Variants in E2F3 observed in about 807,000 individuals in gnomAD.
The protein encoded by E2F3 is transcription factor E2F3.
Under a neutral mutation model 44.4 loss-of-function variants are expected in E2F3, and 11 were observed. The observed-to-expected ratio is 0.25, with a 90% CI of 0.16 to 0.41. The LOEUF (loss-of-function observed/expected upper bound fraction) is 0.41. E2F3 is among the 10% of genes least tolerant of loss of function. E2F3 has a pLI of 1.00. For synonymous variants in E2F3, 249 were observed against 253.0 expected, an observed-to-expected ratio of 0.98 and a Z score of 0.15; for missense variants, 487 against 583.6, an observed-to-expected ratio of 0.83 and a Z score of 1.70.
chr6:20,431,370 A>T (rs1314864785), intron 1 of E2F3, among the ~76,000 whole-genome samples: 1 of 152,050 alleles, frequency 6.6e-6, no homozygotes, highest in East Asian at 1.9e-4. Context: ...GTCTGCTCCC[A>T]CCTCGCATCC....
At chr6:20,462,539 C>T (rs1761546493) in intron 1 of E2F3, among the ~76,000 whole-genome samples, 2 of 151,350 alleles carry the variant, frequency 1.3e-5, no homozygotes, top group Admixed American at 6.6e-5. Flanking sequence ...CTCACTGCAA[C>T]CTCCATCTCC....
intron 1 of E2F3, among the ~76,000 whole-genome samples, chr6:20,428,871 C>T (rs1203802268): frequency 3.3e-5 from 5 of 152,116 alleles, no homozygotes; most frequent in Non-Finnish European, 7.4e-5. Flanking sequence ...AGCTGCCCTA[C>T]AATGATATTT....
chr6:20,470,451 T>C (rs1358498558), intron 1 of E2F3, among the ~76,000 whole-genome samples: 7 of 152,214 alleles, frequency 4.6e-5, no homozygotes, highest in African/African-American at 1.7e-4. Context: ...AAAACTAACT[T>C]TTCTTAAAAT....
intron 1 of E2F3, among the ~76,000 whole-genome samples, chr6:20,443,224 C>T (rs534765121): frequency 1.3e-5 from 2 of 152,246 alleles, no homozygotes; most frequent in South Asian, 4.1e-4. Context: ...CTCTTGGCTC[C>T]ATTCTTTGTC....
chr6:20,482,964 G>A, intron 4 of E2F3, 44 bp downstream of exon 4: 3 of 1,610,758 alleles, frequency 1.9e-6, no homozygotes, highest in Non-Finnish European at 2.5e-6. Context: ...GTGCTTCCTA[G>A]ACTATTTCCA....
chr6:20,406,567 A>G (rs1759500230), intron 1 of E2F3, among the ~76,000 whole-genome samples: 1 of 152,212 alleles, frequency 6.6e-6, no homozygotes, highest in Non-Finnish European at 1.5e-5. Flanking sequence ...TTTTAAATAT[A>G]TAAAACATGG....
In E2F3 at chr6:20,433,736, A is replaced by C. The variant is rs188618490; in HGVS notation, c.393+31111A>C. Among the ~76,000 whole-genome samples, 146 of 151,954 alleles carry C rather than the reference A, an allele frequency of 9.6e-4. 1 individual carries two copies. The East Asian group carries it at 0.025, about 26-fold the overall frequency. ...CAAAGTGTTTCCTTTGTAATCCCATATATATATATATTTTCTTTTTTAAGA... is the reference window on the plus strand; with the variant it reads ...CAAAGTGTTTCCTTTGTAATCCCATCTATATATATATTTTCTTTTTTAAGA... On this transcript the variant is annotated intron_variant, in intron 1 of 6. Transcript: ENST00000346618.
chr6:20,463,550 C>T (rs1021492247), intron 1 of E2F3, among the ~76,000 whole-genome samples: 1 of 152,100 alleles, frequency 6.6e-6, no homozygotes, highest in South Asian at 2.1e-4. Context: ...AGAATTCTTT[C>T]GGCTTTCGTA....
intron 1 of E2F3, among the ~76,000 whole-genome samples, chr6:20,424,550 A>G (rs1760146804): frequency 6.6e-6 from 1 of 152,060 alleles, no homozygotes; most frequent in Non-Finnish European, 1.5e-5. Flanking sequence ...GCTTTGTGAT[A>G]TGATTTGCTA....
chr6:20,403,046 G>T lies in E2F3; in HGVS notation c.393+421G>T, dbSNP rs549369838. ...ACTGGGGTGTGGGGGGCTCTGAGGG[G>T]TTGAAACCGGGGGACTGTTGGGGTG... On this transcript the variant is annotated intron_variant, in intron 1 of 6. Transcript: ENST00000346618. Among the ~76,000 whole-genome samples, 706 of 152,152 alleles carry T rather than the reference G, an allele frequency of 4.6e-3. 6 individuals are homozygous for T. Among genetic ancestry groups the T allele is most frequent in the African/African-American group, 0.016 (664 of 41,508 alleles).
At chr6:20,415,886 G>T (rs1278380723) in intron 1 of E2F3, among the ~76,000 whole-genome samples, 2 of 152,162 alleles carry the variant, frequency 1.3e-5, no homozygotes, top group African/African-American at 4.8e-5. Context: ...GCAGTTCAGG[G>T]AAGGAAGTTT....
chr6:20,425,805 C>G (rs1760197500), intron 1 of E2F3, among the ~76,000 whole-genome samples: 1 of 152,196 alleles, frequency 6.6e-6, no homozygotes, highest in African/African-American at 2.4e-5. Flanking sequence ...GGCATTTAAA[C>G]TGGGACATTC....
chr6:20,432,874 A>C (rs1051095648), intron 1 of E2F3, among the ~76,000 whole-genome samples: 2 of 152,168 alleles, frequency 1.3e-5, no homozygotes, highest in Non-Finnish European at 2.9e-5. Flanking sequence ...GGGCCTTTGC[A>C]CTTGCTGTCC....
chr6:20,483,156 A>G (rs1057288086), intron 4 of E2F3, among the ~76,000 whole-genome samples: 1 of 152,104 alleles, frequency 6.6e-6, no homozygotes, highest in Non-Finnish European at 1.5e-5. Flanking sequence ...ATTATTATCT[A>G]TTTTGATACC....
chr6:20,441,151 C>T (rs142404536), intron 1 of E2F3, among the ~76,000 whole-genome samples: 80 of 152,296 alleles, frequency 5.3e-4, no homozygotes, highest in African/African-American at 1.9e-3. Flanking sequence ...TACCATTGAA[C>T]AATAACTCCC....
At chr6:20,474,050 T>C (rs546685419) in intron 1 of E2F3, among the ~76,000 whole-genome samples, 31 of 151,948 alleles carry the variant, frequency 2.0e-4, no homozygotes, top group African/African-American at 7.5e-4. Context: ...AGGCAGACTA[T>C]AGATGTTCCC....
At chr6:20,443,827 T>C (rs1308509474) in intron 1 of E2F3, among the ~76,000 whole-genome samples, 2 of 152,232 alleles carry the variant, frequency 1.3e-5, no homozygotes, top group African/African-American at 4.8e-5. Context: ...GTGTCTGTAC[T>C]GCATGTCTTC....
intron 1 of E2F3, among the ~76,000 whole-genome samples, chr6:20,423,975 G>C (rs1182207927): frequency 6.6e-6 from 1 of 150,952 alleles, no homozygotes; most frequent in Non-Finnish European, 1.5e-5. Flanking sequence ...TCACCATGTT[G>C]GTCAGGCTGG....
intron 1 of E2F3, among the ~76,000 whole-genome samples, chr6:20,449,051 G>C (rs999730007): frequency 6.6e-6 from 1 of 152,134 alleles, no homozygotes; most frequent in Non-Finnish European, 1.5e-5. Flanking sequence ...CAGTCACTTT[G>C]ACCTAACCCT....
Sources: gnomAD v4.1 joint callset for allele counts (sites outside exome capture counted in the v4.1 genomes callset) on GRCh38, gnomAD v4.1.1 for gene constraint, MANE v1.5 for transcripts, NCBI Gene and HGNC (gene_info 2026-07-23, HGNC 2026-07-21) for gene names.